Variants in BRMS1 observed in about 807,000 individuals in gnomAD.
BRMS1 encodes the protein BRMS1 transcriptional repressor and anoikis regulator.
In BRMS1, 26 loss-of-function variants were observed where a neutral mutation model predicts 40.4. The observed-to-expected ratio is 0.64, with a 90% confidence interval of 0.47 to 0.89. The LOEUF (loss-of-function observed/expected upper bound fraction) is 0.89, where lower values mean the gene tolerates loss of function less well. BRMS1 is among the 40% of genes least tolerant of loss of function. The pLI is 0.00. For missense variants in BRMS1, 289 were observed against 309.4 expected (o/e 0.93, Z 0.49); for synonymous variants, 103 against 116.0 (o/e 0.89, Z 0.72).
rs538954786 is a variant in BRMS1 at position 66,341,459 on chromosome 11, C to T, written c.230+74G>A. 9.4e-6 allele frequency: 15 copies of T among 1,599,590 alleles called. No homozygotes were observed. In the South Asian group the frequency reaches 1.3e-4, roughly 14 times the overall value. Reference sequence around the variant, plus strand: ...CGCACTTCCTGGGCACCAACCACGCCTGCCCAGTACCAGGCCCACCACCTC... The same window carrying T: ...CGCACTTCCTGGGCACCAACCACGCTTGCCCAGTACCAGGCCCACCACCTC... On this transcript the variant is annotated intron_variant, in intron 3 of 9. Coordinates refer to ENST00000359957, the MANE Select transcript of BRMS1 (RefSeq NM_015399.4). The surrounding 1 kb of genome is among the most constrained non-coding windows in gnomAD (Gnocchi z 4.9).
chr11:66,342,361 G>A, intron 1 of BRMS1, 120 bp from the exon 2 acceptor site: 1 of 1,306,302 alleles, frequency 7.7e-7, no homozygotes, highest in Non-Finnish European at 1.1e-6. Flanking sequence ...TAACTGGCCT[G>A]GCCACACCTT....
In BRMS1 at chr11:66,341,150, G is replaced by A. The variant is rs1590928910; in HGVS notation, c.358+56C>T. On this transcript the variant is annotated intron_variant, in intron 4 of 9. Coordinates refer to ENST00000359957, the MANE Select transcript of BRMS1 (RefSeq NM_015399.4). This position sits in a 1 kb window ranked among gnomAD's most constrained non-coding sequence, Gnocchi z 4.9. ...GGCCGGGCAGGAACGAGAGAGGAAGGGGACAGGGTGCCACGGGTTCTGGGA... is the reference window on the plus strand; with the variant it reads ...GGCCGGGCAGGAACGAGAGAGGAAGAGGACAGGGTGCCACGGGTTCTGGGA... 43 of 1,611,716 alleles carry A rather than the reference G, an allele frequency of 2.7e-5. 1 individual carries two copies. The South Asian group carries it at 4.5e-4, about 17-fold the overall frequency.
At chr11:66,340,707 G>A (rs1190624119) in intron 6 of BRMS1, 67 bp downstream of exon 6, 1 of 1,369,102 alleles carries the variant, frequency 7.3e-7, no homozygotes, top group African/African-American at 1.4e-5. Context: ...GACATCTGAA[G>A]CCCAAAGAGG....
chr11:66,338,790 G>C lies in BRMS1; in HGVS notation c.629-5C>G. 1 of 1,534,176 alleles carries C rather than the reference G, an allele frequency of 6.5e-7. No individual in the cohort carries two copies. Among genetic ancestry groups the C allele is most frequent in the Non-Finnish European group, 8.8e-7 (1 of 1,139,224 alleles). ...GCATGTACACGATGTATGGGCCTGT[G>C]GTGGGGGTCAAGGAAGCCTAGTGGA... On this transcript the variant is annotated splice_region_variant and splice_polypyrimidine_tract_variant and intron_variant, in intron 7 of 9. Coordinates refer to ENST00000359957, the MANE Select transcript of BRMS1 (RefSeq NM_015399.4).
At chr11:66,344,390 C>A (rs776849462) in intron 1 of BRMS1, among the ~76,000 whole-genome samples, 1 of 152,218 alleles carries the variant, frequency 6.6e-6, no homozygotes, top group Admixed American at 6.5e-5. Context: ...ATGACCTGCA[C>A]CTGACTTGAA....
chr11:66,340,313 C>A, intron 6 of BRMS1, 100 bp from the exon 7 acceptor site: 1 of 1,017,628 alleles, frequency 9.8e-7, no homozygotes, highest in Non-Finnish European at 1.5e-6. Context: ...GCCTCATCTC[C>A]CCTGTCCCAT....
Position 66,341,520 on chromosome 11 carries a change from T to A in BRMS1, c.230+13A>T. On this transcript the variant is annotated intron_variant, in intron 3 of 9. Coordinates refer to ENST00000359957, the MANE Select transcript of BRMS1 (RefSeq NM_015399.4). The surrounding 1 kb of genome is among the most constrained non-coding windows in gnomAD (Gnocchi z 4.9). The stretch of plus-strand genomic sequence containing the variant: ...ATCCTCGCAGACCCAGCCCAAGGTG[T>A]CCCCACGCTCACTTCTCCTTTAGCT... 6.2e-7 allele frequency: 1 copy of A among 1,613,492 alleles called. No individual in the cohort carries two copies. The highest frequency in any genetic ancestry group is 8.5e-7 in the Non-Finnish European group (1 of 1,179,562).
At chr11:66,338,383 G>A (rs1854983634) in intron 8 of BRMS1, 101 bp from the exon 9 acceptor site, 1 of 1,541,528 alleles carries the variant, frequency 6.5e-7, no homozygotes, top group Admixed American at 2.0e-5. Flanking sequence ...TTGCCTCAGT[G>A]CTGTGCCCCC....
At chr11:66,338,135 G>T in intron 9 of BRMS1, 108 bp downstream of exon 9, 2 of 1,467,072 alleles carry the variant, frequency 1.4e-6, no homozygotes, top group South Asian at 2.5e-5. Flanking sequence ...TTGAGCCACT[G>T]ATTCTGACAC....
rs1855031250 is a variant in BRMS1, at chr11:66,340,111, G to C, written c.628+10C>G. ...TGCCCACTTTTAGGCCACCTTGGGTGAAAGGATACCAGAAACCAGAGGTGC... is the reference window on the plus strand; with the variant it reads ...TGCCCACTTTTAGGCCACCTTGGGTCAAAGGATACCAGAAACCAGAGGTGC... On this transcript the variant is annotated intron_variant, in intron 7 of 9. Coordinates refer to ENST00000359957, the MANE Select transcript of BRMS1 (RefSeq NM_015399.4). 1 of 1,612,922 alleles carries C rather than the reference G, an allele frequency of 6.2e-7. No individual in the cohort carries two copies. The highest frequency in any genetic ancestry group is 1.7e-5 in the Admixed American group (1 of 59,860).
chr11:66,338,535 A>C, intron 8 of BRMS1, 186 bp downstream of exon 8: 1 of 1,536,698 alleles, frequency 6.5e-7, no homozygotes, highest in Non-Finnish European at 8.7e-7. Context: ...CACAGACTAG[A>C]AATCCCTTTT....
chr11:66,342,102 T>C lies in BRMS1; in HGVS notation c.133A>G (p.Ser45Gly). ...SGSQTESEEE[S>G]SEMDDEDYER... ...TGTGTGTGTAGGGGCTCACCGGAGC[T>C]CTCCTCTTCTGACTCTGTCTGGCTG... is the stretch of plus-strand genomic sequence containing the variant. The change falls in exon 2 of 10, where the codon AGC becomes GGC. Residue 45 changes from serine to glycine, a missense_variant. By Grantham distance (56) the Ser-to-Gly change is moderately conservative (BLOSUM62 0). Transcript: ENST00000359957. 1 of 1,613,078 alleles carries C rather than the reference T, an allele frequency of 6.2e-7. No homozygotes were observed. The highest frequency in any genetic ancestry group is 1.1e-5 in the South Asian group (1 of 91,064).
chr11:66,339,845 A>G, intron 7 of BRMS1: 1 of 354,208 alleles, frequency 2.8e-6, no homozygotes, highest in Non-Finnish European at 5.2e-6. Flanking sequence ...CGAGCAATCT[A>G]CCCGCCTTGG....
At position 66,341,357 on chromosome 11, in the gene BRMS1, G is replaced by A; in HGVS notation, c.231-24C>T. On this transcript the variant is annotated intron_variant, in intron 3 of 9. Transcript: ENST00000359957. The surrounding 1 kb of genome is among the most constrained non-coding windows in gnomAD (Gnocchi z 4.9). ...ACCTGCGTGGTAAAAAGGCAGCCGT[G>A]CACCCATTTGCTCACCCATCGCTCT... 1.2e-6 allele frequency: 2 copies of A among 1,605,450 alleles called. No homozygotes were observed. The highest frequency in any genetic ancestry group is 2.2e-5 in the South Asian group (2 of 90,838).
rs777528665 is a variant in BRMS1 at position 66,340,180 on chromosome 11, C to G, written c.569G>C (p.Ser190Thr). 48 of 1,613,648 alleles carry G rather than the reference C, an allele frequency of 3.0e-5. No individual in the cohort carries two copies. The highest frequency in any genetic ancestry group is 1.6e-4 in the Middle Eastern group (1 of 6,082). ...WWDDKLHARG[S>T]SRSWDSLPPS... ...CGGCAGGGAGTCCCAAGACCTGGAG[C>G]TGCCTCTGGCGTGCAGTTTGTCATC... The change falls in exon 7 of 10, where the codon AGC becomes ACC. Residue 190 changes from serine to threonine, a missense_variant. Physicochemically the swap from Ser to Thr is moderately conservative, Grantham distance 58. Transcript: ENST00000359957.
chr11:66,341,066 G>C lies in BRMS1; in HGVS notation c.359-20C>G, dbSNP rs369819291. On this transcript the variant is annotated intron_variant, in intron 4 of 9. Coordinates refer to ENST00000359957, the MANE Select transcript of BRMS1 (RefSeq NM_015399.4). The surrounding 1 kb of genome is among the most constrained non-coding windows in gnomAD (Gnocchi z 4.9). ...AGATCCCTGCAGAGAAAGGGAGGAG[G>C]GTCCCTGCTTGGCTGGGGAGCCCGG... 1 of 1,613,022 alleles carries C rather than the reference G, an allele frequency of 6.2e-7. No homozygotes were observed. The highest frequency in any genetic ancestry group is 8.5e-7 in the Non-Finnish European group (1 of 1,179,704).
rs901961142 is a variant in BRMS1 at position 66,341,916 on chromosome 11, C to G, written c.139+180G>C. 1 of 681,178 alleles carries G rather than the reference C, an allele frequency of 1.5e-6. No homozygotes were observed. The highest frequency in any genetic ancestry group is 2.4e-6 in the Non-Finnish European group (1 of 408,856). The allele number at this position is 681,178 out of a possible 1,614,324, so 42.2% of individuals were successfully genotyped here. On this transcript the variant is annotated intron_variant, in intron 2 of 9. Coordinates refer to ENST00000359957, the MANE Select transcript of BRMS1 (RefSeq NM_015399.4). The surrounding 1 kb of genome is among the most constrained non-coding windows in gnomAD (Gnocchi z 4.9). ...TGTGTGTAGGGGCTGTGTGTGCGTGCTTGTGTGTAGGGGCTGTGTGTGCGT... is the reference window on the plus strand; with the variant it reads ...TGTGTGTAGGGGCTGTGTGTGCGTGGTTGTGTGTAGGGGCTGTGTGTGCGT...
chr11:66,340,060 T>C (rs1426750751), intron 7 of BRMS1, 61 bp downstream of exon 7: 3 of 1,417,938 alleles, frequency 2.1e-6, no homozygotes, highest in East Asian at 4.6e-5. Context: ...CCCCCTCCCC[T>C]GGGTCTGGAG....
chr11:66,341,073 G>A lies in BRMS1; in HGVS notation c.359-27C>T, dbSNP rs1333215813. On this transcript the variant is annotated intron_variant, in intron 4 of 9. Coordinates refer to ENST00000359957, the MANE Select transcript of BRMS1 (RefSeq NM_015399.4). This position sits in a 1 kb window ranked among gnomAD's most constrained non-coding sequence, Gnocchi z 4.9. Reference sequence around the variant, plus strand: ...TGCAGAGAAAGGGAGGAGGGTCCCTGCTTGGCTGGGGAGCCCGGTGCCCAC... The same window carrying A: ...TGCAGAGAAAGGGAGGAGGGTCCCTACTTGGCTGGGGAGCCCGGTGCCCAC... 3.7e-6 allele frequency: 6 copies of A among 1,612,918 alleles called. No individual in the cohort carries two copies. The South Asian group carries it at 5.5e-5, about 15-fold the overall frequency.
Sources: gnomAD v4.1 joint callset for allele counts (sites outside exome capture counted in the v4.1 genomes callset) on GRCh38, gnomAD v4.1.1 for gene constraint, Gnocchi (gnomAD v3.1) non-coding constraint, MANE v1.5 for transcripts, NCBI Gene and HGNC (gene_info 2026-07-23, HGNC 2026-07-21) for gene names.